The following IGSF21 variants were observed in gnomAD, a reference collection of about 807,000 sequenced individuals.
The protein encoded by IGSF21 is immunoglobin superfamily member 21, also known as immunoglobulin superfamily member 21.
Under a neutral mutation model 46.8 loss-of-function variants are expected in IGSF21, and 28 were observed. That is an observed-to-expected ratio of 0.60 (90% CI 0.44 to 0.82). The LOEUF (loss-of-function observed/expected upper bound fraction) is 0.82. Ranked by LOEUF, IGSF21 falls within the 40% of genes least tolerant of loss-of-function variation. IGSF21 has a pLI of 0.00. For missense variants in IGSF21, 624 were observed against 665.5 expected, an observed-to-expected ratio of 0.94 and a Z score of 0.69; for synonymous variants, 284 against 273.6, an observed-to-expected ratio of 1.04 and a Z score of -0.38.
At chr1:18,208,421 T>G (rs2084355438) in intron 1 of IGSF21, among the ~76,000 whole-genome samples, 2 of 101,574 alleles carry the variant, frequency 2.0e-5, no homozygotes, top group Non-Finnish European at 2.3e-5. Flanking sequence ...TCTTGCTGTC[T>G]CCCAGGCTGG....
At chr1:18,141,051 C>T (rs928870594) in intron 1 of IGSF21, among the ~76,000 whole-genome samples, 6 of 151,704 alleles carry the variant, frequency 4.0e-5, no homozygotes, top group Non-Finnish European at 8.9e-5. Flanking sequence ...TGAAGCACCC[C>T]AGTCTCCATG....
chr1:18,305,497 GATGGATGGATGGATGA>G (rs1345787459), intron 3 of IGSF21, among the ~76,000 whole-genome samples: 3 of 141,084 alleles, frequency 2.1e-5, no homozygotes, highest in African/African-American at 9.0e-5. Context: ...ATGATGGATG[GATGGATGGATGGATGA>G]ATGGATGGAT....
intron 4 of IGSF21, among the ~76,000 whole-genome samples, chr1:18,352,277 A>C (rs1041120214): frequency 3.3e-5 from 5 of 152,164 alleles, no homozygotes; most frequent in Non-Finnish European, 5.9e-5. Context: ...CACATAATTT[A>C]GTGGTTCTTA....
chr1:18,368,836 CCAGATA>C (rs1462267641), intron 6 of IGSF21, among the ~76,000 whole-genome samples: 4 of 152,206 alleles, frequency 2.6e-5, no homozygotes, highest in African/African-American at 4.8e-5. Context: ...AGATGAAAGG[CCAGATA>C]CAGACTTCAA....
chr1:18,371,992 A>G (rs1336626587), intron 6 of IGSF21, among the ~76,000 whole-genome samples: 2 of 152,216 alleles, frequency 1.3e-5, no homozygotes. Flanking sequence ...TAAAATTTAC[A>G]TATTGGGAAA....
At chr1:18,281,626 T>C (rs1411575029) in intron 2 of IGSF21, among the ~76,000 whole-genome samples, 1 of 149,634 alleles carries the variant, frequency 6.7e-6, no homozygotes, top group Non-Finnish European at 1.5e-5. Flanking sequence ...AAGTCCCTCC[T>C]CCTTCCTCCT....
intron 2 of IGSF21, among the ~76,000 whole-genome samples, chr1:18,249,062 G>T (rs115653888): frequency 6.6e-6 from 1 of 152,184 alleles, no homozygotes; most frequent in Non-Finnish European, 1.5e-5. Context: ...TGGATCATGC[G>T]TTTGGAGGCC....
chr1:18,173,073 G>A (rs12130537), intron 1 of IGSF21, among the ~76,000 whole-genome samples: 31,775 of 152,194 alleles, frequency 0.21, 4,152 homozygotes, highest in Non-Finnish European at 0.3. Context: ...TGGGTCACTA[G>A]GTCAGGAGAT....
At chr1:18,216,499 C>T (rs2084449732) in intron 1 of IGSF21, among the ~76,000 whole-genome samples, 1 of 152,098 alleles carries the variant, frequency 6.6e-6, no homozygotes, top group Admixed American at 6.5e-5. Context: ...CTTAGAGGGA[C>T]AAGTTTGGGG....
chr1:18,154,554 A>G (rs2086551528), intron 1 of IGSF21, among the ~76,000 whole-genome samples: 1 of 150,210 alleles, frequency 6.7e-6, no homozygotes, highest in South Asian at 2.1e-4. Flanking sequence ...AATGGATCTG[A>G]TGCTGAGAAT....
At position 18,251,503 on chromosome 1, in the gene IGSF21, C is replaced by A. The variant is rs531643290; in HGVS notation, c.183+23493C>A. Among the ~76,000 whole-genome samples, 11 of 152,278 alleles carry A rather than the reference C, an allele frequency of 7.2e-5. No homozygotes were observed. The South Asian group carries it at 8.3e-4, about 11-fold the overall frequency. On this transcript the variant is annotated intron_variant, in intron 2 of 9. Transcript: ENST00000251296. ...ATTTTGTCTTGTAGTTCCATCCTCT[C>A]AATATGCACAGTTACCATCCAAAGG... is the stretch of plus-strand genomic sequence containing the variant.
Position 18,225,085 on chromosome 1 carries a change from T to TCTCTCTCACA in IGSF21, c.71-2812_71-2811insTCTCTCACAC. On this transcript the variant is annotated intron_variant, in intron 1 of 9. Transcript: ENST00000251296. ...GTATCTCTCTCTCTCTCTCTCTCTC[T>TCTCTCTCACA]CACACACACACACACACACACACAC... Among the ~76,000 whole-genome samples, 89 of 51,608 alleles carry TCTCTCTCACA rather than the reference T, an allele frequency of 1.7e-3. 1 individual carries two copies. Among genetic ancestry groups the TCTCTCTCACA allele is most frequent in the African/African-American group, 6.1e-3 (86 of 14,190 alleles). The allele number at this position is 51,608 out of a possible 152,430, so 33.9% of individuals were successfully genotyped here.
Position 18,245,396 on chromosome 1 carries a change from C to G in IGSF21, c.183+17386C>G, listed in dbSNP as rs144951439. ...ATTGGGTTTTTGTAATTTCTTTAAACAAATAGCTTGTGTAGCAAATTAAAA... is the reference window on the plus strand; with the variant it reads ...ATTGGGTTTTTGTAATTTCTTTAAAGAAATAGCTTGTGTAGCAAATTAAAA... On this transcript the variant is annotated intron_variant, in intron 2 of 9. Coordinates refer to ENST00000251296, the MANE Select transcript of IGSF21 (RefSeq NM_032880.5). Among the ~76,000 whole-genome samples, 4 of 152,220 alleles carry G rather than the reference C, an allele frequency of 2.6e-5. No homozygotes were observed. The East Asian group carries it at 7.7e-4, about 29-fold the overall frequency.
chr1:18,162,096 T>C (rs968826112), intron 1 of IGSF21, among the ~76,000 whole-genome samples: 23 of 152,132 alleles, frequency 1.5e-4, no homozygotes, highest in African/African-American at 5.6e-4. Flanking sequence ...TGGAGTGCAG[T>C]GGCATGATCA....
intron 2 of IGSF21, among the ~76,000 whole-genome samples, chr1:18,273,415 T>TTTCCTTTCCTTTCCTTTCC (rs2085064782): frequency 1.2e-5 from 1 of 84,968 alleles, no homozygotes; most frequent in African/African-American, 4.6e-5. Flanking sequence ...CTTTCCTTTC[T>TTTCCTTTCCTTTCCTTTCC]TTTCCTTTCC....
chr1:18,324,929 C>G (rs2085643149), intron 3 of IGSF21, among the ~76,000 whole-genome samples: 1 of 152,192 alleles, frequency 6.6e-6, no homozygotes, highest in South Asian at 2.1e-4. Flanking sequence ...AGGCAGGTCC[C>G]CAGGAATATA....
At chr1:18,351,464 A>G (rs1191976362) in intron 4 of IGSF21, among the ~76,000 whole-genome samples, 2 of 152,292 alleles carry the variant, frequency 1.3e-5, no homozygotes, top group East Asian at 1.9e-4. Context: ...AGGCCTGTAC[A>G]CGGTTTTCCT....
intron 1 of IGSF21, among the ~76,000 whole-genome samples, chr1:18,157,339 C>G (rs2086577740): frequency 6.6e-6 from 1 of 152,154 alleles, no homozygotes; most frequent in Non-Finnish European, 1.5e-5. Context: ...CTGGTGGGTA[C>G]CCCAGGACCT....
intron 3 of IGSF21, among the ~76,000 whole-genome samples, chr1:18,327,506 G>A (rs1192107763): frequency 3.3e-5 from 5 of 152,204 alleles, no homozygotes; most frequent in Non-Finnish European, 7.3e-5. Context: ...TCCATCAACA[G>A]GAGGATGGGT....
Sources: gnomAD v4.1 joint callset for allele counts (sites outside exome capture counted in the v4.1 genomes callset) on GRCh38, gnomAD v4.1.1 for gene constraint, MANE v1.5 for transcripts, NCBI Gene and HGNC (gene_info 2026-07-23, HGNC 2026-07-21) for gene names.